COL17A1: variants seen among roughly 807,000 people sequenced by gnomAD.
COL17A1 encodes collagen alpha-1(XVII) chain.
A neutral mutation model predicts 218.4 loss-of-function variants in COL17A1; 181 were observed. That is an observed-to-expected ratio of 0.83 (90% CI 0.73 to 0.94). The LOEUF (loss-of-function observed/expected upper bound fraction) is 0.94, where lower values mean the gene tolerates loss of function less well. Ranked by LOEUF, COL17A1 falls within the 40% of genes least tolerant of loss-of-function variation. COL17A1 has a pLI of 0.00. For missense variants in COL17A1, 1,924 were observed against 1,945.9 expected (o/e 0.99, Z 0.21); for synonymous variants, 721 against 731.0 (o/e 0.99, Z 0.22).
intron 27 of COL17A1, 98 bp from the exon 28 acceptor site, chr10:104,050,222 C>G: frequency 6.4e-7 from 1 of 1,554,526 alleles, no homozygotes; most frequent in Non-Finnish European, 8.8e-7. Context: ...GTAGTTCTCA[C>G]TGTATCCGTG....
chr10:104,071,890 T>G, intron 8 of COL17A1, 142 bp downstream of exon 8: 3 of 1,386,076 alleles, frequency 2.2e-6, no homozygotes, highest in Non-Finnish European at 3.0e-6. Context: ...AGAAGACCCT[T>G]AAAGATGTTT....
intron 18 of COL17A1, 53 bp downstream of exon 18, chr10:104,055,729 C>T: frequency 1.9e-6 from 3 of 1,607,218 alleles, no homozygotes; most frequent in Non-Finnish European, 2.5e-6. Context: ...CACATAGATG[C>T]AAAGAAGAAA....
At chr10:104,079,169 A>G (rs952305967) in intron 2 of COL17A1, among the ~76,000 whole-genome samples, 1 of 152,180 alleles carries the variant, frequency 6.6e-6, no homozygotes, top group African/African-American at 2.4e-5. Context: ...CAGGCACATC[A>G]CAGACAGACT....
In COL17A1 at chr10:104,054,076, A is replaced by C; in HGVS notation, c.1771+16T>G. ...TGCAACACTGGCAGGCCTGGAGGTC[A>C]TCAGAGAGTACATACCTGGAGTCCC... On this transcript the variant is annotated intron_variant, in intron 21 of 55. Transcript: ENST00000648076. The C allele has an allele frequency of 3.1e-6, 5 of 1,613,284 alleles. No homozygotes were observed. The South Asian group carries it at 5.5e-5, about 18-fold the overall frequency.
intron 36 of COL17A1, among the ~76,000 whole-genome samples, chr10:104,041,942 G>A (rs1015879652): frequency 7.2e-5 from 11 of 152,186 alleles, no homozygotes; most frequent in Admixed American, 7.2e-4. Context: ...GTGTTGGGAA[G>A]ACTCGGTGAA....
intron 53 of COL17A1, 38 bp downstream of exon 53, chr10:104,033,200 G>C (rs1352632566): frequency 1.3e-6 from 2 of 1,568,700 alleles, no homozygotes; most frequent in Admixed American, 1.9e-5. Flanking sequence ...AACCTATGCA[G>C]TGAGGCAGGT....
At chr10:104,059,520 G>T in intron 15 of COL17A1, 118 bp downstream of exon 15, 1 of 877,564 alleles carries the variant, frequency 1.1e-6, no homozygotes, top group Non-Finnish European at 1.9e-6. Context: ...ACACTCCCAG[G>T]TGTGGCTGAT....
chr10:104,038,258 A>C, intron 45 of COL17A1, 148 bp downstream of exon 45: 1 of 849,888 alleles, frequency 1.2e-6, no homozygotes. Flanking sequence ...ACACACACAC[A>C]CACACACACA....
intron 12 of COL17A1, among the ~76,000 whole-genome samples, 173 bp from the exon 13 acceptor site, chr10:104,061,646 G>A (rs1233660812): frequency 3.9e-5 from 6 of 152,060 alleles, no homozygotes; most frequent in Non-Finnish European, 7.4e-5. Flanking sequence ...AACGTTCTTA[G>A]GTATAATCCT....
intron 1 of COL17A1, among the ~76,000 whole-genome samples, chr10:104,083,722 C>T (rs1295928143): frequency 6.6e-6 from 1 of 152,216 alleles, no homozygotes; most frequent in African/African-American, 2.4e-5. Flanking sequence ...TGTTTACCAT[C>T]ACATTTGGGT....
In COL17A1 at chr10:104,077,117, T is replaced by A. The variant is rs538250799; in HGVS notation, c.202+305A>T. Among the ~76,000 whole-genome samples, 3 of 152,332 alleles carry A rather than the reference T, an allele frequency of 2.0e-5. No individual in the cohort carries two copies. The South Asian group carries it at 6.2e-4, about 32-fold the overall frequency. On this transcript the variant is annotated intron_variant, in intron 4 of 55. Coordinates refer to ENST00000648076, the MANE Select transcript of COL17A1 (RefSeq NM_000494.4). Reference sequence around the variant, plus strand: ...TAGTGAGGAAATAGCTACCTACCCATGAAGTCTTAATTAATGATAGTTATT... The same window carrying A: ...TAGTGAGGAAATAGCTACCTACCCAAGAAGTCTTAATTAATGATAGTTATT...
At chr10:104,078,617 T>C in intron 2 of COL17A1, 31 bp from the exon 3 acceptor site, 1 of 1,613,908 alleles carries the variant, frequency 6.2e-7, no homozygotes, top group Non-Finnish European at 8.5e-7. Context: ...GATGAGTTCT[T>C]ATGTAATGCA....
intron 33 of COL17A1, among the ~76,000 whole-genome samples, chr10:104,044,714 T>C (rs1439894269): frequency 2.6e-5 from 4 of 152,142 alleles, no homozygotes; most frequent in African/African-American, 7.2e-5. Context: ...ATGGCCCCTC[T>C]TGTGCATGTT....
chr10:104,043,503 G>C lies in COL17A1; in HGVS notation c.2513C>G (p.Pro838Arg), dbSNP rs1564674740. 9.9e-6 allele frequency: 16 copies of C among 1,613,622 alleles called. No homozygotes were observed. The highest frequency in any genetic ancestry group is 2.7e-5 in the African/African-American group (2 of 75,008). The change falls in exon 35 of 56, where the codon CCA (proline) becomes CGA (arginine). Residue 838 changes from proline to arginine, a missense_variant and splice_region_variant. Pro to Arg is a moderately radical substitution (Grantham distance 103). Coordinates refer to ENST00000648076, the MANE Select transcript of COL17A1 (RefSeq NM_000494.4). Reference protein sequence around the residue: ...AMGPPGPPGAPGPAGPAGLPG... With the variant: ...AMGPPGPPGARGPAGPAGLPG... ...GCAAAGCAAGAAAATAGACTGACCTGGGGCACCTGGAGGTCCTGGGGGTCC... is the reference window on the plus strand; with the variant it reads ...GCAAAGCAAGAAAATAGACTGACCTCGGGCACCTGGAGGTCCTGGGGGTCC...
intron 23 of COL17A1, 66 bp downstream of exon 23, chr10:104,052,965 G>A (rs1214564783): frequency 8.4e-6 from 13 of 1,544,236 alleles, no homozygotes; most frequent in Admixed American, 1.7e-5. Context: ...AAGGAGGGAC[G>A]GGTGTTGACA....
intron 48 of COL17A1, among the ~76,000 whole-genome samples, chr10:104,036,066 A>ATGGGAGTGTATGGGTGTG (rs2086288080): frequency 1.2e-4 from 1 of 8,040 alleles, no homozygotes; most frequent in African/African-American, 4.4e-4. Flanking sequence ...GTATGGGAGT[A>ATGGGAGTGTATGGGTGTG]TGTGTATGGG....
intron 5 of COL17A1, among the ~76,000 whole-genome samples, 158 bp from the exon 6 acceptor site, chr10:104,074,389 C>T (rs2086692502): frequency 6.6e-6 from 1 of 152,194 alleles, no homozygotes; most frequent in South Asian, 2.1e-4. Flanking sequence ...TCAAAGGAGC[C>T]AGGCTCATGA....
chr10:104,036,375 G>A, intron 48 of COL17A1, 117 bp downstream of exon 48: 1 of 1,402,664 alleles, frequency 7.1e-7, no homozygotes, highest in Non-Finnish European at 9.9e-7. Context: ...TCATTGCTGG[G>A]GTTGGTGCAG....
intron 22 of COL17A1, 69 bp downstream of exon 22, chr10:104,053,851 C>A (rs1163220455): frequency 2.2e-6 from 2 of 928,292 alleles, no homozygotes; most frequent in African/African-American, 1.6e-5. Flanking sequence ...ACAGCAGGCA[C>A]TTAATGAATG....
Sources: allele counts gnomAD v4.1 joint callset (sites outside exome capture counted in the v4.1 genomes callset), GRCh38; gene constraint gnomAD v4.1.1; transcripts MANE v1.5; gene names NCBI Gene and HGNC (gene_info 2026-07-23, HGNC 2026-07-21).